Variants in RANBP2 observed in about 807,000 individuals in gnomAD.
The protein encoded by RANBP2 is E3 SUMO-protein ligase RanBP2.
RANBP2 carries 57 observed loss-of-function variants against 303.6 expected under a neutral mutation model. That is an observed-to-expected ratio of 0.19 (90% CI 0.15 to 0.23). RANBP2 has a LOEUF of 0.23. Among genes scored for constraint, RANBP2 ranks in the 10% least tolerant of loss-of-function variants. The pLI, the probability that RANBP2 is intolerant of heterozygous loss-of-function variation, is 1.00. For missense variants in RANBP2, 3,138 were observed against 3,780.8 expected (o/e 0.83, Z 4.46); for synonymous variants, 1,167 against 1,301.5 (o/e 0.90, Z 2.23).
At chr2:108,902,407 C>T in the RANBP2 span, among the ~76,000 whole-genome samples, 2 of 152,030 alleles carry the variant, frequency 1.3e-5, no homozygotes, top group African/African-American at 2.4e-5. Flanking sequence ...AAAAAAACCT[C>T]CCCAAAAGAA....
the RANBP2 span, among the ~76,000 whole-genome samples, chr2:109,486,375 G>A: frequency 6.6e-6 from 1 of 152,112 alleles, no homozygotes; most frequent in Non-Finnish European, 1.5e-5. Context: ...TCAGTGGTTC[G>A]GGTGCTCTCC....
chr2:109,452,391 A>G, the RANBP2 span, among the ~76,000 whole-genome samples: 1 of 152,184 alleles, frequency 6.6e-6, no homozygotes, highest in South Asian at 2.1e-4. Flanking sequence ...ATTTGGCAGT[A>G]TTCTCCAGTC....
At chr2:109,413,528 C>T in the RANBP2 span, among the ~76,000 whole-genome samples, 3 of 152,204 alleles carry the variant, frequency 2.0e-5, no homozygotes, top group African/African-American at 7.2e-5. Flanking sequence ...CTACCTCTGT[C>T]TCTCTCTGTG....
chr2:109,564,006 C>A, the RANBP2 span, among the ~76,000 whole-genome samples: 1 of 152,068 alleles, frequency 6.6e-6, no homozygotes, highest in African/African-American at 2.4e-5. Flanking sequence ...TCCAACTTAC[C>A]TTTATGACAA....
the RANBP2 span, among the ~76,000 whole-genome samples, chr2:109,359,510 T>C: frequency 3.3e-5 from 5 of 152,258 alleles, no homozygotes; most frequent in African/African-American, 7.2e-5. Flanking sequence ...TACTTAAGTA[T>C]TTCATTTGTA....
the RANBP2 span, among the ~76,000 whole-genome samples, chr2:109,205,853 GT>G: frequency 2.0e-5 from 3 of 152,206 alleles, no homozygotes; most frequent in South Asian, 6.2e-4. Context: ...TAAAGTTGGA[GT>G]TTTCTCCTTT....
the RANBP2 span, among the ~76,000 whole-genome samples, chr2:109,201,469 T>C: frequency 6.6e-6 from 1 of 152,100 alleles, no homozygotes; most frequent in Non-Finnish European, 1.5e-5. Flanking sequence ...CCCACCTCTC[T>C]CTCTCTTATC....
At chr2:108,870,790 T>A in the RANBP2 span, among the ~76,000 whole-genome samples, 1 of 152,160 alleles carries the variant, frequency 6.6e-6, no homozygotes, top group Non-Finnish European at 1.5e-5. Context: ...ATAAGTAGAT[T>A]GGTGATTGTC....
chr2:108,791,272 G>A, the RANBP2 span, among the ~76,000 whole-genome samples: 2 of 152,020 alleles, frequency 1.3e-5, no homozygotes, highest in Non-Finnish European at 2.9e-5. Context: ...TGGAATTCTA[G>A]TTCTGCTCCA....
chr2:109,763,778 T>C, the RANBP2 span, among the ~76,000 whole-genome samples: 1 of 150,302 alleles, frequency 6.7e-6, no homozygotes, highest in Non-Finnish European at 1.5e-5. Flanking sequence ...GAGAATCTTA[T>C]TTTAATCCCT....
At chr2:109,567,929 A>G in the RANBP2 span, 107 of 1,613,810 alleles carry the variant, frequency 6.6e-5, no homozygotes, top group Admixed American at 1.2e-4. Context: ...TCTGTAATTC[A>G]GTTTTAGAAA....
the RANBP2 span, chr2:109,371,725 C>T: frequency 6.4e-7 from 1 of 1,568,926 alleles, no homozygotes; most frequent in South Asian, 1.1e-5. Flanking sequence ...TTCTTGCCCA[C>T]CCTTGTTTCA....
At chr2:109,540,199 A>AC in the RANBP2 span, among the ~76,000 whole-genome samples, 31 of 152,244 alleles carry the variant, frequency 2.0e-4, no homozygotes, top group African/African-American at 7.5e-4. Context: ...CTTTATAGTA[A>AC]AACAGTCAAC....
the RANBP2 span, among the ~76,000 whole-genome samples, chr2:109,559,754 C>T: frequency 1.3e-5 from 2 of 152,120 alleles, no homozygotes. Context: ...GACATTCTTT[C>T]CCTGGACTAT....
the RANBP2 span, chr2:108,798,619 TATTTCTTC>T: frequency 2.0e-6 from 3 of 1,498,046 alleles, no homozygotes; most frequent in Non-Finnish European, 2.7e-6. Flanking sequence ...TAGAGTGGTA[TATTTCTTC>T]TTTTCTTCTT....
At chr2:109,078,088 A>ATATATATATATATATATATAGCGTG in the RANBP2 span, among the ~76,000 whole-genome samples, 1 of 6,182 alleles carries the variant, frequency 1.6e-4, no homozygotes, top group Non-Finnish European at 1.0e-3. Flanking sequence ...ATATATATAT[A>ATATATATATATATATATATAGCGTG]TATATATATA....
the RANBP2 span, among the ~76,000 whole-genome samples, chr2:109,635,338 A>G: frequency 1.3e-5 from 2 of 152,170 alleles, no homozygotes; most frequent in Admixed American, 1.3e-4. Context: ...GCATGCCACA[A>G]TGCCCGACTA....
the RANBP2 span, among the ~76,000 whole-genome samples, chr2:109,162,671 G>A: frequency 6.6e-6 from 1 of 152,156 alleles, no homozygotes; most frequent in South Asian, 2.1e-4. Context: ...GTTGTGAATA[G>A]TGCCACAATA....
chr2:108,902,570 A>G, the RANBP2 span, among the ~76,000 whole-genome samples: 3 of 152,308 alleles, frequency 2.0e-5, no homozygotes, highest in Non-Finnish European at 4.4e-5. Flanking sequence ...AAAACCAGAC[A>G]AAGACAAAAA....
Sources: allele counts gnomAD v4.1 joint callset (sites outside exome capture counted in the v4.1 genomes callset), GRCh38; gene constraint gnomAD v4.1.1; transcripts MANE v1.5; gene names NCBI Gene and HGNC (gene_info 2026-07-23, HGNC 2026-07-21).